The following DAAM1 variants were observed in gnomAD, a reference collection of about 807,000 sequenced individuals.
DAAM1 encodes the protein dishevelled associated activator of morphogenesis 1.
A neutral mutation model predicts 130.0 loss-of-function variants in DAAM1; 52 were observed. That is an observed-to-expected ratio of 0.40 (90% CI 0.32 to 0.50). The LOEUF (loss-of-function observed/expected upper bound fraction) is 0.50, where lower values mean the gene tolerates loss of function less well. DAAM1 is among the 20% of genes least tolerant of loss of function. DAAM1 has a pLI of 0.61. For missense variants in DAAM1, 1,134 were observed against 1,303.8 expected (o/e 0.87, Z 2.01); for synonymous variants, 452 against 444.5 (o/e 1.02, Z -0.21).
intron 16 of DAAM1, among the ~76,000 whole-genome samples, chr14:59,341,215 A>G (rs537312205): frequency 6.6e-6 from 1 of 152,326 alleles, no homozygotes; most frequent in East Asian, 1.9e-4. Flanking sequence ...CTAGTAAGGT[A>G]ACCTGAACCA....
Position 59,221,617 on chromosome 14 carries a change from G to A in DAAM1, c.-38+32849G>A, listed in dbSNP as rs574948093. Among the ~76,000 whole-genome samples the A allele has an allele frequency of 5.0e-4, 76 of 152,316 alleles. 2 individuals carry two copies. The South Asian group carries it at 0.016, about 31-fold the overall frequency. ...GCTGGGCATGGTAATACTAAGAGAA[G>A]CTCTAAACGATCTCTTGTATTCCAG... On this transcript the variant is annotated intron_variant, in intron 1 of 24. Transcript: ENST00000360909.
At chr14:59,204,557 T>G (rs752248365) in intron 1 of DAAM1, among the ~76,000 whole-genome samples, 10 of 152,172 alleles carry the variant, frequency 6.6e-5, no homozygotes, top group Non-Finnish European at 1.5e-4. Flanking sequence ...TGAAACATAA[T>G]CATGAGAGTG....
chr14:59,308,502 G>A (rs746016766), intron 3 of DAAM1, among the ~76,000 whole-genome samples: 1 of 152,076 alleles, frequency 6.6e-6, no homozygotes, highest in African/African-American at 2.4e-5. Flanking sequence ...TGTCAATTCA[G>A]TGTCCGGTGA....
intron 23 of DAAM1, among the ~76,000 whole-genome samples, chr14:59,366,079 A>G (rs1886905329): frequency 6.6e-6 from 1 of 152,080 alleles, no homozygotes; most frequent in Non-Finnish European, 1.5e-5. Flanking sequence ...GGTATTTTGC[A>G]TTTTGGCCAT....
At chr14:59,308,940 A>T (rs1466639892) in intron 3 of DAAM1, among the ~76,000 whole-genome samples, 1 of 152,166 alleles carries the variant, frequency 6.6e-6, no homozygotes, top group Admixed American at 6.5e-5. Flanking sequence ...GATGTACTTG[A>T]TATATAATTG....
At chr14:59,231,576 ACAGCCAGGGTT>A (rs1165096898) in intron 1 of DAAM1, among the ~76,000 whole-genome samples, 3 of 152,180 alleles carry the variant, frequency 2.0e-5, no homozygotes, top group Non-Finnish European at 2.9e-5. Context: ...CTAGAGTCAG[ACAGCCAGGGTT>A]CAGATCTCAG....
chr14:59,331,775 A>G, intron 14 of DAAM1, 38 bp from the exon 15 acceptor site: 2 of 1,588,734 alleles, frequency 1.3e-6, no homozygotes, highest in Non-Finnish European at 1.7e-6. Context: ...TTTATGTATA[A>G]CTGTAAACTA....
At chr14:59,210,034 G>A (rs1249830766) in intron 1 of DAAM1, among the ~76,000 whole-genome samples, 1 of 152,158 alleles carries the variant, frequency 6.6e-6, no homozygotes, top group Non-Finnish European at 1.5e-5. Context: ...TACTTGGGGT[G>A]TGTGGGCTGA....
At chr14:59,190,351 C>G (rs545325576) in intron 1 of DAAM1, among the ~76,000 whole-genome samples, 1 of 152,280 alleles carries the variant, frequency 6.6e-6, no homozygotes, top group Admixed American at 6.5e-5. Context: ...TCTCTTCCCC[C>G]TTTCGGGCTA....
At chr14:59,190,914 T>C (rs1479832838) in intron 1 of DAAM1, among the ~76,000 whole-genome samples, 1 of 152,256 alleles carries the variant, frequency 6.6e-6, no homozygotes, top group African/African-American at 2.4e-5. Flanking sequence ...TTTATAATAC[T>C]GTTTATACTA....
chr14:59,228,922 C>T (rs1566658570), intron 1 of DAAM1, among the ~76,000 whole-genome samples: 1 of 152,134 alleles, frequency 6.6e-6, no homozygotes, highest in Non-Finnish European at 1.5e-5. Flanking sequence ...CGTCTTTTCC[C>T]TGAGTTCTAA....
chr14:59,281,349 T>G (rs1371835135), intron 2 of DAAM1, among the ~76,000 whole-genome samples: 2 of 152,208 alleles, frequency 1.3e-5, no homozygotes, highest in East Asian at 3.8e-4. Context: ...AGATGTCTGT[T>G]TTCTGCTCCA....
chr14:59,257,076 G>A (rs1344546326), intron 1 of DAAM1, among the ~76,000 whole-genome samples: 1 of 152,192 alleles, frequency 6.6e-6, no homozygotes, highest in East Asian at 1.9e-4. Context: ...AATATCCCAA[G>A]GATGGAATTC....
intron 1 of DAAM1, among the ~76,000 whole-genome samples, chr14:59,238,824 A>G (rs1889387505): frequency 6.6e-6 from 1 of 152,194 alleles, no homozygotes; most frequent in Non-Finnish European, 1.5e-5. Flanking sequence ...CATTAAATGT[A>G]TCGCTGACAC....
At chr14:59,196,548 T>C (rs1172866953) in intron 1 of DAAM1, among the ~76,000 whole-genome samples, 5 of 152,082 alleles carry the variant, frequency 3.3e-5, no homozygotes, top group Admixed American at 6.5e-5. Flanking sequence ...TCGAGACCAT[T>C]CTGGCTAACA....
At chr14:59,361,391 C>A (rs372881779) in intron 22 of DAAM1, among the ~76,000 whole-genome samples, 1 of 152,114 alleles carries the variant, frequency 6.6e-6, no homozygotes, top group South Asian at 2.1e-4. Flanking sequence ...TCAGCCTGGC[C>A]GCATCCAGAT....
chr14:59,332,389 A>G (rs533601569), intron 15 of DAAM1, among the ~76,000 whole-genome samples: 81 of 152,228 alleles, frequency 5.3e-4, no homozygotes, highest in Non-Finnish European at 8.8e-4. Flanking sequence ...TTAAATGACT[A>G]TAATTTGGCC....
At chr14:59,360,530 A>G (rs747554172) in intron 21 of DAAM1, 4 of 265,570 alleles carry the variant, frequency 1.5e-5, no homozygotes, top group Non-Finnish European at 2.8e-5. Flanking sequence ...AGTTTGAAAC[A>G]TAAAATATTT....
chr14:59,353,763 G>C, intron 18 of DAAM1, 113 bp from the exon 19 acceptor site: 1 of 856,934 alleles, frequency 1.2e-6, no homozygotes, highest in Non-Finnish European at 1.9e-6. Flanking sequence ...TGTGTCGGGG[G>C]AGTGGGTGGG....
Sources: allele counts gnomAD v4.1 joint callset (sites outside exome capture counted in the v4.1 genomes callset), GRCh38; gene constraint gnomAD v4.1.1; transcripts MANE v1.5; gene names NCBI Gene and HGNC (gene_info 2026-07-23, HGNC 2026-07-21).